Variants in HBS1L observed in about 807,000 individuals in gnomAD.
The protein encoded by HBS1L is HBS1 like translational GTPase.
HBS1L carries 55 observed loss-of-function variants against 88.9 expected under a neutral mutation model. That is an observed-to-expected ratio of 0.62 (90% CI 0.50 to 0.77). The LOEUF is 0.77. Among genes scored for constraint, HBS1L ranks in the 30% least tolerant of loss-of-function variants. HBS1L has a pLI of 0.00. For synonymous variants in HBS1L, 267 were observed against 288.5 expected (o/e 0.93, Z 0.76); for missense variants, 741 against 829.3 (o/e 0.89, Z 1.31).
Position 134,986,116 on chromosome 6 carries a change from G to C in HBS1L, c.1373C>G (p.Ser458Ter). Reference protein sequence around the residue: ...SGENLITRSQSSELTKWYKGL... With the variant: ...SGENLITRSQ ...TTTATACCATTTTGTGAGTTCACTT[G>C]ACTGAGATCTTGTGATTAGATTTTC... Residue 458 changes from serine to a stop codon, truncating the protein, a stop_gained, in exon 11 of 18, where the codon TCA becomes TGA. Transcript: ENST00000367837. LOFTEE classifies it high-confidence loss of function. 2.5e-6 allele frequency: 4 copies of C among 1,600,902 alleles called. No individual in the cohort carries two copies. The South Asian group carries it at 4.4e-5, about 18-fold the overall frequency.
chr6:135,033,709 T>C (rs1436912025), intron 4 of HBS1L, among the ~76,000 whole-genome samples: 1 of 152,216 alleles, frequency 6.6e-6, no homozygotes, highest in East Asian at 1.9e-4. Flanking sequence ...GTTTTAAAAG[T>C]ATTGCATTTC....
intron 2 of HBS1L, among the ~76,000 whole-genome samples, chr6:135,044,219 T>C (rs1334713532): frequency 6.6e-6 from 1 of 152,246 alleles, no homozygotes; most frequent in Non-Finnish European, 1.5e-5. Context: ...AGGAAATTAA[T>C]GTATCTTTTC....
chr6:135,010,089 C>T (rs994340994), intron 4 of HBS1L, among the ~76,000 whole-genome samples: 1 of 152,050 alleles, frequency 6.6e-6, no homozygotes, highest in African/African-American at 2.4e-5. Context: ...TTACCTTTTC[C>T]AAACCATTAA....
intron 4 of HBS1L, among the ~76,000 whole-genome samples, chr6:135,008,000 C>T (rs745699043): frequency 5.1e-4 from 78 of 152,048 alleles, no homozygotes; most frequent in Admixed American, 2.7e-3. Flanking sequence ...CCATGAAGTA[C>T]GTAAAATTTC....
At chr6:135,020,398 T>C (rs1415494005) in intron 4 of HBS1L, among the ~76,000 whole-genome samples, 2 of 151,978 alleles carry the variant, frequency 1.3e-5, no homozygotes, top group African/African-American at 4.8e-5. Flanking sequence ...TATTTTCTCA[T>C]GGATAAATGG....
At chr6:135,000,552 C>T (rs1014047630) in intron 5 of HBS1L, among the ~76,000 whole-genome samples, 2 of 151,990 alleles carry the variant, frequency 1.3e-5, no homozygotes, top group Non-Finnish European at 2.9e-5. Flanking sequence ...TACTTACATG[C>T]ACTTACTTGC....
At chr6:134,971,732 GA>G (rs952557265) in intron 15 of HBS1L, among the ~76,000 whole-genome samples, 84 of 151,632 alleles carry the variant, frequency 5.5e-4, no homozygotes, top group African/African-American at 2.0e-3. Context: ...AGTGTAATAG[GA>G]AAAAAAAGTA....
At chr6:135,027,705 T>G (rs1339396597) in intron 4 of HBS1L, among the ~76,000 whole-genome samples, 1 of 152,134 alleles carries the variant, frequency 6.6e-6, no homozygotes, top group Non-Finnish European at 1.5e-5. Flanking sequence ...TAAAACCAAG[T>G]GCTAGTTCCA....
intron 4 of HBS1L, among the ~76,000 whole-genome samples, chr6:135,033,023 G>A (rs1776433182): frequency 6.6e-6 from 1 of 152,044 alleles, no homozygotes; most frequent in African/African-American, 2.4e-5. Context: ...ATCCAAAAGA[G>A]CCACCTAAAG....
In HBS1L at chr6:134,986,248, T is replaced by C. The variant is rs72972146; in HGVS notation, c.1306-65A>G. On this transcript the variant is annotated intron_variant, in intron 10 of 17. Coordinates refer to ENST00000367837, the MANE Select transcript of HBS1L (RefSeq NM_006620.4). ...TTTTAAAACATTAAAAGATTCACCATTACCATAACTGCACCAAGTTTGCAA... is the reference window on the plus strand; with the variant it reads ...TTTTAAAACATTAAAAGATTCACCACTACCATAACTGCACCAAGTTTGCAA... 6.6e-3 allele frequency: 5,281 copies of C among 804,584 alleles called. 24 individuals carry two copies. Among genetic ancestry groups the C allele is most frequent in the Non-Finnish European group, 8.2e-3 (3,929 of 477,026 alleles). The allele number at this position is 804,584 out of a possible 1,614,324, so 49.8% of individuals were successfully genotyped here.
chr6:134,975,210 G>A (rs1332865534), intron 15 of HBS1L, among the ~76,000 whole-genome samples: 2 of 152,060 alleles, frequency 1.3e-5, no homozygotes, highest in African/African-American at 4.8e-5. Context: ...TAGCCAAGGA[G>A]GTGAAAGATC....
At chr6:135,025,233 GCA>G (rs910372123) in intron 4 of HBS1L, among the ~76,000 whole-genome samples, 1 of 152,130 alleles carries the variant, frequency 6.6e-6, no homozygotes, top group Non-Finnish European at 1.5e-5. Flanking sequence ...TAACACCAAA[GCA>G]CAAACTATGA....
intron 5 of HBS1L, among the ~76,000 whole-genome samples, chr6:134,998,984 TA>T (rs1253375797): frequency 6.6e-6 from 1 of 152,174 alleles, no homozygotes; most frequent in African/African-American, 2.4e-5. Context: ...TCAAACAGAC[TA>T]TAATTTGCAA....
chr6:135,038,060 A>G, intron 4 of HBS1L: 1 of 1,440,348 alleles, frequency 6.9e-7, no homozygotes. Flanking sequence ...TTTCAGATGA[A>G]TAGGTTGATA....
At chr6:135,019,574 G>A (rs568707949) in intron 4 of HBS1L, among the ~76,000 whole-genome samples, 3 of 151,570 alleles carry the variant, frequency 2.0e-5, no homozygotes, top group Non-Finnish European at 4.4e-5. Context: ...TCATAGATTC[G>A]GCGTAATCCT....
chr6:135,000,899 T>A (rs113963002), intron 5 of HBS1L, among the ~76,000 whole-genome samples: 11 of 152,338 alleles, frequency 7.2e-5, no homozygotes, highest in African/African-American at 1.7e-4. Flanking sequence ...TGTGTTTCTA[T>A]ATGCTTTCTT....
In HBS1L at chr6:135,016,740, G is replaced by GA. The variant is rs1166113667; in HGVS notation, c.431-13899dup. Among the ~76,000 whole-genome samples the GA allele has an allele frequency of 6.7e-3, 1,019 of 152,248 alleles. 8 individuals carry two copies. Among genetic ancestry groups the GA allele is most frequent in the African/African-American group, 0.02 (848 of 41,540 alleles). ...CTCTTCAACTAAACTAAGAGTTCCAGAAGTTTATTTTATGATATATTTTAC... is the reference window on the plus strand; with the variant it reads ...CTCTTCAACTAAACTAAGAGTTCCAGAAAGTTTATTTTATGATATATTTTAC... On this transcript the variant is annotated intron_variant, in intron 4 of 17. Coordinates refer to ENST00000367837, the MANE Select transcript of HBS1L (RefSeq NM_006620.4).
At chr6:135,043,509 A>G (rs1274332127) in intron 2 of HBS1L, among the ~76,000 whole-genome samples, 3 of 152,218 alleles carry the variant, frequency 2.0e-5, no homozygotes, top group Non-Finnish European at 2.9e-5. Context: ...TATGTGTAAC[A>G]CCTATACTCG....
In HBS1L at chr6:134,979,233, C is replaced by T. The variant is rs781629046; in HGVS notation, c.1633G>A (p.Ala545Thr). The T allele has an allele frequency of 2.5e-6, 4 of 1,611,990 alleles. No homozygotes were observed. In the African/African-American group the frequency reaches 5.3e-5, roughly 22 times the overall value. ...GTAAGACTAACATGATCGCCTGCTG[C>T]CGCCCAGTCGACAGGTTCATCATGC... The part of the protein sequence containing the change: ...TLHDEPVDWA[A>T]AGDHVSLTLV... Residue 545 changes from alanine (A) to threonine (T), a missense_variant, in exon 14 of 18, where the codon GCA becomes ACA. Physicochemically the swap from Ala to Thr is moderately conservative, Grantham distance 58. Around this residue, in one of 3 missense-constraint regions of HBS1L, gnomAD observed 181 missense variants for 212.7 expected, o/e 0.85. Coordinates refer to ENST00000367837, the MANE Select transcript of HBS1L (RefSeq NM_006620.4).
Sources: gnomAD v4.1 joint callset for allele counts (sites outside exome capture counted in the v4.1 genomes callset) on GRCh38, gnomAD v4.1.1 for gene constraint, gnomAD v4.1.1 regional missense constraint, MANE v1.5 for transcripts, NCBI Gene and HGNC (gene_info 2026-07-23, HGNC 2026-07-21) for gene names.